Variants in RIMS2 observed in about 807,000 individuals in gnomAD.
RIMS2 encodes regulating synaptic membrane exocytosis 2.
A neutral mutation model predicts 174.4 loss-of-function variants in RIMS2; 59 were observed. The observed-to-expected ratio is 0.34, with a 90% CI of 0.27 to 0.42. The LOEUF (loss-of-function observed/expected upper bound fraction) is 0.42. RIMS2 is among the 10% of genes least tolerant of loss of function. RIMS2 has a pLI of 1.00. For missense variants in RIMS2, 1,620 were observed against 1,666.3 expected (o/e 0.97, Z 0.48); for synonymous variants, 606 against 572.5 (o/e 1.06, Z -0.84).
At chr8:103,636,825 C>T (rs561594285) in intron 1 of RIMS2, among the ~76,000 whole-genome samples, 3 of 113,958 alleles carry the variant, frequency 2.6e-5, no homozygotes, top group Admixed American at 1.2e-4. Context: ...TACCAATCTG[C>T]GTTTTGGGGA....
intron 4 of RIMS2, among the ~76,000 whole-genome samples, chr8:103,887,249 C>T (rs1206319785): frequency 6.6e-6 from 1 of 151,596 alleles, no homozygotes; most frequent in African/African-American, 2.4e-5. Flanking sequence ...GCCCATCTTT[C>T]TCTGGGTATT....
chr8:103,720,957 T>C (rs2097438903), intron 2 of RIMS2, among the ~76,000 whole-genome samples: 1 of 152,176 alleles, frequency 6.6e-6, no homozygotes, highest in Admixed American at 6.6e-5. Context: ...GATTCGGATT[T>C]GTATCCCTGC....
intron 1 of RIMS2, among the ~76,000 whole-genome samples, chr8:103,637,992 A>AT (rs1184059119): frequency 6.6e-6 from 1 of 152,012 alleles, no homozygotes. Context: ...GTTTGTTTTG[A>AT]TTTTTCCCCT....
intron 3 of RIMS2, among the ~76,000 whole-genome samples, chr8:103,775,826 C>A (rs558224227): frequency 2.1e-4 from 32 of 152,078 alleles, no homozygotes; most frequent in Admixed American, 3.9e-4. Context: ...GCATAGAAGT[C>A]AGTTTGTTCT....
At chr8:103,966,504 A>G (rs1479265462) in intron 15 of RIMS2, among the ~76,000 whole-genome samples, 3 of 151,934 alleles carry the variant, frequency 2.0e-5, no homozygotes, top group Non-Finnish European at 4.4e-5. Context: ...TAATTTTTAT[A>G]CCCTGTTTCT....
intron 1 of RIMS2, among the ~76,000 whole-genome samples, chr8:103,599,564 G>C (rs1394668377): frequency 4.0e-5 from 6 of 151,314 alleles, no homozygotes; most frequent in African/African-American, 1.2e-4. Context: ...TCAGCCTCCA[G>C]AGTAGCAGGG....
chr8:103,740,286 G>T (rs1010929503), intron 2 of RIMS2, among the ~76,000 whole-genome samples: 5 of 152,172 alleles, frequency 3.3e-5, no homozygotes, highest in African/African-American at 1.2e-4. Context: ...TTTATAAGTG[G>T]TGATTAAATA....
chr8:104,109,138 A>C (rs1006601114), intron 19 of RIMS2, among the ~76,000 whole-genome samples: 1 of 151,828 alleles, frequency 6.6e-6, no homozygotes, highest in Non-Finnish European at 1.5e-5. Flanking sequence ...TCTACTAAAA[A>C]TACAAAAAAT....
At chr8:103,597,369 T>C (rs913824601) in intron 1 of RIMS2, among the ~76,000 whole-genome samples, 22 of 152,132 alleles carry the variant, frequency 1.4e-4, no homozygotes, top group African/African-American at 5.3e-4. Flanking sequence ...ATGCACATTA[T>C]TTTCTGTTGG....
At chr8:103,502,204 G>A (rs901435533) in intron 1 of RIMS2, among the ~76,000 whole-genome samples, 1 of 152,142 alleles carries the variant, frequency 6.6e-6, no homozygotes, top group Non-Finnish European at 1.5e-5. Flanking sequence ...GAGTTCCTCT[G>A]TGAAGGAACT....
chr8:104,135,920 A>G (rs891162155), intron 19 of RIMS2, among the ~76,000 whole-genome samples: 1 of 152,202 alleles, frequency 6.6e-6, no homozygotes, highest in African/African-American at 2.4e-5. Flanking sequence ...AAAGCCTTGT[A>G]GCAGCCTTGT....
intron 19 of RIMS2, chr8:104,094,487 A>T (rs977703124): frequency 6.0e-6 from 4 of 670,200 alleles, no homozygotes; most frequent in Non-Finnish European, 8.1e-6. Flanking sequence ...GACCAAAGGG[A>T]ATAGAAGAGG....
At chr8:104,231,022 T>C (rs1386861995) in intron 19 of RIMS2, among the ~76,000 whole-genome samples, 1 of 152,252 alleles carries the variant, frequency 6.6e-6, no homozygotes, top group East Asian at 1.9e-4. Context: ...TGACCAAATG[T>C]GGCCTGACAT....
chr8:103,570,680 T>C (rs570923509), intron 1 of RIMS2, among the ~76,000 whole-genome samples: 1 of 152,316 alleles, frequency 6.6e-6, no homozygotes, highest in Non-Finnish European at 1.5e-5. Context: ...AAATTAATTA[T>C]TGAATTAATG....
At chr8:103,753,111 C>T (rs2097916258) in intron 2 of RIMS2, among the ~76,000 whole-genome samples, 1 of 152,118 alleles carries the variant, frequency 6.6e-6, no homozygotes, top group Non-Finnish European at 1.5e-5. Flanking sequence ...TACATCCCAT[C>T]AATACCTAAT....
intron 4 of RIMS2, among the ~76,000 whole-genome samples, chr8:103,897,977 A>G (rs535999788): frequency 1.3e-5 from 2 of 151,758 alleles, no homozygotes. Flanking sequence ...AGTGTGGAAT[A>G]TGCTGCCTTC....
At chr8:103,912,053 C>T (rs1565263770) in exon 6 of RIMS2, 5 of 1,566,152 alleles carry the variant, frequency 3.2e-6, no homozygotes, top group East Asian at 2.3e-5. Context: ...AAAATGTCAG[C>T]ACCCTGTAAC....
At chr8:103,982,875 A>G (rs1051865071) in intron 16 of RIMS2, among the ~76,000 whole-genome samples, 10 of 152,216 alleles carry the variant, frequency 6.6e-5, no homozygotes, top group African/African-American at 2.4e-4. Context: ...ACTCTTATTC[A>G]GCATAGTACT....
At chr8:104,065,643 G>T (rs915684831) in intron 19 of RIMS2, among the ~76,000 whole-genome samples, 1 of 152,042 alleles carries the variant, frequency 6.6e-6, no homozygotes, top group Non-Finnish European at 1.5e-5. Flanking sequence ...AGACCTGTTT[G>T]GTTACTGTTT....
Sources: allele counts gnomAD v4.1 joint callset (sites outside exome capture counted in the v4.1 genomes callset), GRCh38; gene constraint gnomAD v4.1.1; transcripts MANE v1.5; gene names NCBI Gene and HGNC (gene_info 2026-07-23, HGNC 2026-07-21).